DSG1: variants seen among roughly 807,000 people sequenced by gnomAD.
The protein encoded by DSG1 is desmoglein-1.
DSG1 carries 39 observed loss-of-function variants against 97.5 expected under a neutral mutation model. That is an observed-to-expected ratio of 0.40 (90% CI 0.31 to 0.52). The LOEUF is 0.52. Ranked by LOEUF, DSG1 falls within the 20% of genes least tolerant of loss-of-function variation. DSG1 has a pLI of 0.53. For synonymous variants in DSG1, 475 were observed against 443.4 expected, an observed-to-expected ratio of 1.07 and a Z score of -0.90; for missense variants, 1,311 against 1,295.4, an observed-to-expected ratio of 1.01 and a Z score of -0.18.
intron 11 of DSG1, among the ~76,000 whole-genome samples, chr18:31,340,352 A>C (rs2071781214): frequency 6.6e-6 from 1 of 151,806 alleles, no homozygotes; most frequent in Non-Finnish European, 1.5e-5. Context: ...CATGCCTGTA[A>C]TCCCAGAACT....
At chr18:31,323,669 T>C (rs1364397407) in intron 1 of DSG1, among the ~76,000 whole-genome samples, 3 of 152,224 alleles carry the variant, frequency 2.0e-5, no homozygotes, top group Non-Finnish European at 4.4e-5. Context: ...CTTGTCCCTC[T>C]GTTCCCTTTT....
rs1391456239 is a variant in DSG1, at chr18:31,334,166, T to C, written c.969T>C (p.Asn323=). The change falls in exon 8 of 15, where the codon AAT becomes AAC. Residue 323 remains asparagine (N), a synonymous_variant. Coordinates refer to ENST00000257192, the MANE Select transcript of DSG1 (RefSeq NM_001942.4). Reference sequence around the variant, plus strand: ...GAAATTGGTTTGAGATAGAAATGAATGAAAGAACAAATGTGGGAATTTTAA... The same window carrying C: ...GAAATTGGTTTGAGATAGAAATGAACGAAAGAACAAATGTGGGAATTTTAA... The part of the protein sequence containing the change: ...NEGNWFEIEM[N]ERTNVGILKV... 6.2e-7 allele frequency: 1 copy of C among 1,607,256 alleles called. No homozygotes were observed. The highest frequency in any genetic ancestry group is 8.5e-7 in the Non-Finnish European group (1 of 1,174,138).
At chr18:31,337,435 T>A (rs533689420) in intron 9 of DSG1, among the ~76,000 whole-genome samples, 3 of 152,250 alleles carry the variant, frequency 2.0e-5, no homozygotes, top group Admixed American at 2.0e-4. Flanking sequence ...TTTGTTTTAG[T>A]AGAGAAGGGG....
At position 31,318,294 on chromosome 18, in the gene DSG1, A is replaced by G; in HGVS notation, c.-7A>G. Reference sequence around the variant, plus strand: ...CTTGGTCTTGGATGTAAGAGAATCCAGCAGAGATGGACTGGAGTTTCTTCA... The same window carrying G: ...CTTGGTCTTGGATGTAAGAGAATCCGGCAGAGATGGACTGGAGTTTCTTCA... On this transcript the variant is annotated 5_prime_UTR_variant, in exon 1 of 15. Coordinates refer to ENST00000257192, the MANE Select transcript of DSG1 (RefSeq NM_001942.4). 1 of 1,613,086 alleles carries G rather than the reference A, an allele frequency of 6.2e-7. No individual in the cohort carries two copies. Among genetic ancestry groups the G allele is most frequent in the South Asian group, 1.1e-5 (1 of 91,066 alleles).
rs1452196675 is a variant in DSG1, at chr18:31,346,185, G to T, written c.2087G>T (p.Ser696Ile). 6.2e-7 allele frequency: 1 copy of T among 1,613,660 alleles called. No individual in the cohort carries two copies. Among genetic ancestry groups the T allele is most frequent in the Non-Finnish European group, 8.5e-7 (1 of 1,179,624 alleles). The change falls in exon 14 of 15, where the codon AGC becomes ATC. Residue 696 changes from serine (S) to isoleucine (I), a missense_variant. Ser to Ile is a moderately radical substitution (Grantham distance 142, BLOSUM62 -2). Around this residue, in one of 3 missense-constraint regions of DSG1, gnomAD observed 1,038 missense variants for 964.6 expected, o/e 1.08. Transcript: ENST00000257192. The part of the protein sequence containing the change: ...EGGLNMNFME[S>I]YFCQKAYAYA... The stretch of plus-strand genomic sequence containing the variant: ...GGTCTGAATATGAATTTCATGGAAA[G>T]CTACTTCTGTCAGGTAAGGTCCCTA...
At chr18:31,322,533 G>A (rs1054160317) in intron 1 of DSG1, among the ~76,000 whole-genome samples, 14 of 152,170 alleles carry the variant, frequency 9.2e-5, no homozygotes, top group African/African-American at 3.1e-4. Context: ...ATACACAAAC[G>A]AAAAGAATAA....
At chr18:31,332,689 A>G (rs1313523870) in intron 6 of DSG1, among the ~76,000 whole-genome samples, 5 of 152,270 alleles carry the variant, frequency 3.3e-5, no homozygotes, top group East Asian at 1.9e-4. Context: ...ATTAAAAATG[A>G]CAATCTTCTT....
intron 13 of DSG1, among the ~76,000 whole-genome samples, chr18:31,345,194 G>A (rs2071821731): frequency 6.6e-6 from 1 of 152,050 alleles, no homozygotes; most frequent in African/African-American, 2.4e-5. Context: ...AGGCACCAAG[G>A]AAAACTGAAG....
At position 31,357,156 on chromosome 18, in the gene DSG1, C is replaced by A. The variant is rs2071966304; in HGVS notation, c.*1810C>A. 1 of 152,050 alleles carries A rather than the reference C, an allele frequency of 6.6e-6. No homozygotes were observed. The highest frequency in any genetic ancestry group is 1.5e-5 in the Non-Finnish European group (1 of 67,938). 9.4% of individuals were successfully genotyped at this position (152,050 alleles called of 1,614,324 possible). Reference sequence around the variant, plus strand: ...AGAGGATAGGAGTGAATTACTGAACCTAGAGCTATTTTGCTCTGTAACAAC... The same window carrying A: ...AGAGGATAGGAGTGAATTACTGAACATAGAGCTATTTTGCTCTGTAACAAC... On this transcript the variant is annotated 3_prime_UTR_variant, in exon 15 of 15. Transcript: ENST00000257192.
In DSG1 at chr18:31,327,007, T is replaced by C. The variant is rs746180598; in HGVS notation, c.216+2T>C. The C allele has an allele frequency of 6.2e-7, 1 of 1,613,450 alleles. No individual in the cohort carries two copies. On this transcript the variant is annotated splice_donor_variant, in intron 3 of 14. Coordinates refer to ENST00000257192, the MANE Select transcript of DSG1 (RefSeq NM_001942.4). LOFTEE classifies it high-confidence loss of function. ...TCAAAGAGGAACCCAATCGCCAAAG[T>C]AGGTATCAACTCCAAAGCATAACAT...
chr18:31,347,949 G>A (rs1044568909), intron 14 of DSG1: 1 of 151,980 alleles, frequency 6.6e-6, no homozygotes, highest in African/African-American at 2.4e-5. Flanking sequence ...CTCTAACTTT[G>A]TTATAAATAA....
intron 1 of DSG1, 110 bp downstream of exon 1, chr18:31,318,458 G>A: frequency 3.5e-6 from 3 of 856,348 alleles, no homozygotes; most frequent in South Asian, 1.3e-5. Flanking sequence ...CATTGAAAAT[G>A]TATATTAATG....
intron 11 of DSG1, among the ~76,000 whole-genome samples, chr18:31,340,309 A>G (rs899098515): frequency 4.0e-5 from 6 of 151,756 alleles, no homozygotes; most frequent in African/African-American, 1.2e-4. Flanking sequence ...GAAGACAATC[A>G]GAAGAGGCTA....
At chr18:31,337,895 CA>C (rs1345229354) in intron 9 of DSG1, among the ~76,000 whole-genome samples, 3 of 152,092 alleles carry the variant, frequency 2.0e-5, no homozygotes, top group Non-Finnish European at 4.4e-5. Flanking sequence ...GGAGCAGAAA[CA>C]GGGGGGAAGT....
intron 9 of DSG1, among the ~76,000 whole-genome samples, chr18:31,337,358 G>A (rs1438784988): frequency 2.0e-5 from 3 of 152,078 alleles, no homozygotes; most frequent in Non-Finnish European, 2.9e-5. Flanking sequence ...CCGGGTTCAC[G>A]CGATTCTCCT....
chr18:31,331,929 A>G, intron 6 of DSG1, 62 bp downstream of exon 6: 5 of 1,500,606 alleles, frequency 3.3e-6, no homozygotes, highest in African/African-American at 2.8e-5. Flanking sequence ...AAGCAAGGAT[A>G]CTGAAGAGAC....
At chr18:31,320,253 T>A (rs1355702171) in intron 1 of DSG1, among the ~76,000 whole-genome samples, 1 of 152,126 alleles carries the variant, frequency 6.6e-6, no homozygotes, top group Non-Finnish European at 1.5e-5. Context: ...GTTATCTTTC[T>A]CCTAGTCTCA....
rs939830371 is a variant in DSG1, at chr18:31,340,443, A to G, written c.1687+418A>G. Among the ~76,000 whole-genome samples, 6 of 151,940 alleles carry G rather than the reference A, an allele frequency of 3.9e-5. 1 individual carries two copies. The highest frequency in any genetic ancestry group is 3.9e-4 in the Admixed American group (6 of 15,236). On this transcript the variant is annotated intron_variant, in intron 11 of 14. Transcript: ENST00000257192. ...CCAATATGGTGAAGCCCACGTCTCT[A>G]CTAAAAATACAAAAATGATCCGGGC...
At chr18:31,337,744 C>T (rs1598705248) in intron 9 of DSG1, among the ~76,000 whole-genome samples, 1 of 152,240 alleles carries the variant, frequency 6.6e-6, no homozygotes, top group South Asian at 2.1e-4. Context: ...ATTACCTAAC[C>T]AGTGTTTGTT....
Sources: gnomAD v4.1 joint callset for allele counts (sites outside exome capture counted in the v4.1 genomes callset) on GRCh38, gnomAD v4.1.1 for gene constraint, gnomAD v4.1.1 regional missense constraint, MANE v1.5 for transcripts, NCBI Gene and HGNC (gene_info 2026-07-23, HGNC 2026-07-21) for gene names.